ZNF891: variants seen among roughly 807,000 people sequenced by gnomAD.
ZNF891 encodes zinc finger protein 891.
For synonymous variants in ZNF891, 199 were observed against 209.0 expected, an observed-to-expected ratio of 0.95 and a Z score of 0.41; for missense variants, 589 against 632.7, an observed-to-expected ratio of 0.93 and a Z score of 0.74.
At chr12:133,128,826 G>A (rs1312405871) in intron 1 of ZNF891, among the ~76,000 whole-genome samples, 5 of 147,430 alleles carry the variant, frequency 3.4e-5, no homozygotes, top group African/African-American at 1.2e-4. Context: ...CAGAGACAAA[G>A]TAAAAGAAAA....
Position 133,109,091 on chromosome 12 carries a change from G to A in ZNF891, c.*11193C>T, listed in dbSNP as rs554772648. The stretch of plus-strand genomic sequence containing the variant: ...TGTAGCCCAGGGAAGCCAAAAGATT[G>A]GACACCTCTGCTTTAGAGGGAGATG... On this transcript the variant is annotated 3_prime_UTR_variant, in exon 2 of 2. Coordinates refer to ENST00000537226, the MANE Select transcript of ZNF891 (RefSeq NM_001277291.2). 1.3e-5 allele frequency: 2 copies of A among 152,274 alleles called. No individual in the cohort carries two copies. The highest frequency in any genetic ancestry group is 4.2e-4 in the South Asian group (2 of 4,808). 9.4% of individuals were successfully genotyped at this position (152,274 alleles called of 1,614,324 possible). A position where few individuals can be genotyped will look rare whatever the true frequency, so the allele number is the denominator to read the frequency against.
chr12:133,123,086 C>T (rs916709554), intron 1 of ZNF891, among the ~76,000 whole-genome samples: 10 of 152,054 alleles, frequency 6.6e-5, no homozygotes, highest in East Asian at 5.8e-4. Flanking sequence ...GGTAGTTAAC[C>T]GTCAAATGCA....
chr12:133,106,311 T>G lies in ZNF891; in HGVS notation c.*13973A>C, dbSNP rs745306844. ...GCTTTCCGTTGTCACTCATTCCTTA[T>G]TAAACATCAGAGAATTCATGCTGGA... On this transcript the variant is annotated 3_prime_UTR_variant, in exon 2 of 2. Transcript: ENST00000537226. The G allele has an allele frequency of 1.6e-5, 26 of 1,614,202 alleles. 1 individual carries two copies. The South Asian group carries it at 2.7e-4, about 17-fold the overall frequency.
In ZNF891 at chr12:133,106,547, T is replaced by C. The variant is rs906123952; in HGVS notation, c.*13737A>G. The C allele has an allele frequency of 1.2e-6, 2 of 1,614,014 alleles. No individual in the cohort carries two copies. The highest frequency in any genetic ancestry group is 2.7e-5 in the African/African-American group (2 of 75,062). The stretch of plus-strand genomic sequence containing the variant: ...TAAGGTATGCAACAAATCCTTCAGC[T>C]GGAGCTCAAACCTTGCTAAACATCA... On this transcript the variant is annotated 3_prime_UTR_variant, in exon 2 of 2. Transcript: ENST00000537226.
Position 133,118,915 on chromosome 12 carries a change from T to C in ZNF891, c.*1369A>G, listed in dbSNP as rs962830922. ...GACTGCGTTGACTGTATTTATGTAG[T>C]GCTTTAAAAAAAATCAGTAAGAGCC... On this transcript the variant is annotated 3_prime_UTR_variant, in exon 2 of 2. Transcript: ENST00000537226. The C allele has an allele frequency of 6.6e-6, 1 of 152,172 alleles. No homozygotes were observed. The highest frequency in any genetic ancestry group is 1.5e-5 in the Non-Finnish European group (1 of 68,040). 9.4% of individuals were successfully genotyped at this position (152,172 alleles called of 1,614,324 possible).
At position 133,108,323 on chromosome 12, in the gene ZNF891, T is replaced by C. The variant is rs897874269; in HGVS notation, c.*11961A>G. The C allele has an allele frequency of 6.6e-6, 1 of 151,848 alleles. No homozygotes were observed. Among genetic ancestry groups the C allele is most frequent in the Admixed American group, 6.6e-5 (1 of 15,214 alleles). The allele number at this position is 151,848 out of a possible 1,614,324, so 9.4% of individuals were successfully genotyped here. On this transcript the variant is annotated 3_prime_UTR_variant, in exon 2 of 2. Transcript: ENST00000537226. Reference sequence around the variant, plus strand: ...CTGATTTGGTTTTCTCAGGCAGGAATGGTTTGTATCAGGGTAAAAATCAAG... The same window carrying C: ...CTGATTTGGTTTTCTCAGGCAGGAACGGTTTGTATCAGGGTAAAAATCAAG...
At position 133,121,164 on chromosome 12, in the gene ZNF891, G is replaced by A; in HGVS notation, c.755C>T (p.Thr252Ile). 1 of 1,535,376 alleles carries A rather than the reference G, an allele frequency of 6.5e-7. No homozygotes were observed. The highest frequency in any genetic ancestry group is 8.7e-7 in the Non-Finnish European group (1 of 1,146,764). Residue 252 changes from threonine to isoleucine, a missense_variant, in exon 2 of 2, where the codon ACA becomes ATA. Transcript: ENST00000537226. ...ATTTCTCTGAAAATGCCATAGAGTT[G>A]TATCACATTCATGACTTTCATAGAG... ...EKLYESHECD[T>I]TLWHFQRNQT...
Position 133,108,245 on chromosome 12 carries a change from T to C in ZNF891, c.*12039A>G, listed in dbSNP as rs1955653124. Reference sequence around the variant, plus strand: ...CCTTATTACATATGGGTATTTAATATCTGATTTGGTGTCCTCAAGCAGCAT... The same window carrying C: ...CCTTATTACATATGGGTATTTAATACCTGATTTGGTGTCCTCAAGCAGCAT... On this transcript the variant is annotated 3_prime_UTR_variant, in exon 2 of 2. Coordinates refer to ENST00000537226, the MANE Select transcript of ZNF891 (RefSeq NM_001277291.2). 6.7e-6 allele frequency: 1 copy of C among 148,222 alleles called. No homozygotes were observed. Among genetic ancestry groups the C allele is most frequent in the Non-Finnish European group, 1.5e-5 (1 of 67,944 alleles). The allele number at this position is 148,222 out of a possible 1,614,324, so 9.2% of individuals were successfully genotyped here. A position where few individuals can be genotyped will look rare whatever the true frequency, so the allele number is the denominator to read the frequency against.
rs960659935 is a variant in ZNF891, at chr12:133,117,057, A to C, written c.*3227T>G. 1.3e-5 allele frequency: 2 copies of C among 152,166 alleles called. No individual in the cohort carries two copies. Among genetic ancestry groups the C allele is most frequent in the Admixed American group, 1.3e-4 (2 of 15,274 alleles). The allele number at this position is 152,166 out of a possible 1,614,324, so 9.4% of individuals were successfully genotyped here. A position where few individuals can be genotyped will look rare whatever the true frequency, so the allele number is the denominator to read the frequency against. On this transcript the variant is annotated 3_prime_UTR_variant, in exon 2 of 2. Coordinates refer to ENST00000537226, the MANE Select transcript of ZNF891 (RefSeq NM_001277291.2). Reference sequence around the variant, plus strand: ...AAATGACCTCTCCTCAATCACATAGACTTTGCTACTTGCTTTGCTGTCTTC... The same window carrying C: ...AAATGACCTCTCCTCAATCACATAGCCTTTGCTACTTGCTTTGCTGTCTTC...
chr12:133,129,229 C>T (rs1306355443), intron 1 of ZNF891, among the ~76,000 whole-genome samples: 3 of 152,028 alleles, frequency 2.0e-5, no homozygotes, highest in Admixed American at 2.0e-4. Flanking sequence ...GGGCCGGGTG[C>T]GGTGGCTCAC....
rs1331215153 is a variant in ZNF891 at position 133,121,809 on chromosome 12, G to C, written c.110C>G (p.Thr37Ser). The C allele has an allele frequency of 1.3e-6, 2 of 1,536,678 alleles. No homozygotes were observed. Among genetic ancestry groups the C allele is most frequent in the Non-Finnish European group, 1.7e-6 (2 of 1,147,016 alleles). Residue 37 changes from threonine (T) to serine (S), a missense_variant, in exon 2 of 2, where the codon ACC (threonine) becomes AGC (serine). Thr to Ser is a moderately conservative substitution (Grantham distance 58). Transcript: ENST00000537226. ...GAAAGTCATTGGTTCCTGTAACCAG[G>C]TTGTCAGAAATACAGCAATCATCCT... ...EERMIAVFLT[T>S]WLQEPMTFKD...
At chr12:133,128,051 A>G (rs780121496) in intron 1 of ZNF891, among the ~76,000 whole-genome samples, 4 of 152,214 alleles carry the variant, frequency 2.6e-5, no homozygotes, top group Non-Finnish European at 4.4e-5. Flanking sequence ...TATTTGTAAA[A>G]TAATTACATT....
chr12:133,119,065 A>G lies in ZNF891; in HGVS notation c.*1219T>C, dbSNP rs1250408447. 1 of 151,988 alleles carries G rather than the reference A, an allele frequency of 6.6e-6. No individual in the cohort carries two copies. Among genetic ancestry groups the G allele is most frequent in the Admixed American group, 6.6e-5 (1 of 15,246 alleles). 9.4% of individuals were successfully genotyped at this position (151,988 alleles called of 1,614,324 possible). On this transcript the variant is annotated 3_prime_UTR_variant, in exon 2 of 2. Transcript: ENST00000537226. ...AAGAGCCTGTCTCTACAAAATATAT[A>G]TTTTTAAAATTAGCCAGGCATGGTG... is the stretch of plus-strand genomic sequence containing the variant.
At chr12:133,129,929 G>A (rs1402855408) in intron 1 of ZNF891, among the ~76,000 whole-genome samples, 1 of 152,192 alleles carries the variant, frequency 6.6e-6, no homozygotes, top group African/African-American at 2.4e-5. Flanking sequence ...GTGTTGCTTA[G>A]AGAAGGAGGC....
chr12:133,124,949 T>C (rs1955800246), intron 1 of ZNF891, among the ~76,000 whole-genome samples: 1 of 151,050 alleles, frequency 6.6e-6, no homozygotes, highest in Non-Finnish European at 1.5e-5. Context: ...GAGGAAACAA[T>C]GTAAGAAACA....
rs1955686812 is a variant in ZNF891 at position 133,112,239 on chromosome 12, C to T, written c.*8045G>A. The T allele has an allele frequency of 6.6e-6, 1 of 150,536 alleles. No homozygotes were observed. The highest frequency in any genetic ancestry group is 1.5e-5 in the Non-Finnish European group (1 of 67,678). 9.3% of individuals were successfully genotyped at this position (150,536 alleles called of 1,614,324 possible). On this transcript the variant is annotated 3_prime_UTR_variant, in exon 2 of 2. Transcript: ENST00000537226. ...AAAGCTCTTCCTCTGTCCCTCCACC[C>T]TCTGCCCATGGAGCCAGAAGAAGGA...
chr12:133,126,765 C>T (rs949309405), intron 1 of ZNF891, among the ~76,000 whole-genome samples: 7 of 146,798 alleles, frequency 4.8e-5, no homozygotes, highest in Non-Finnish European at 7.5e-5. Context: ...TGCAGTGAGC[C>T]GAGATGTGCC....
In ZNF891 at chr12:133,120,627, A is replaced by T. The variant is rs754367355; in HGVS notation, c.1292T>A (p.Leu431His). The T allele has an allele frequency of 3.2e-6, 5 of 1,559,702 alleles. No individual in the cohort carries two copies. The African/African-American group carries it at 6.8e-5, about 21-fold the overall frequency. ...VHKRIHTGEK[L>H]YECSECGKAF... ...TTTTCCACACTCACTGCATTCATAG[A>T]GTTTTTCTCCAGTGTGTATTCTCTT... is the stretch of plus-strand genomic sequence containing the variant. The change falls in exon 2 of 2, where the codon CTC becomes CAC. Residue 431 changes from leucine to histidine, a missense_variant. By Grantham distance (99) the Leu-to-His change is moderately conservative (BLOSUM62 -3). Coordinates refer to ENST00000537226, the MANE Select transcript of ZNF891 (RefSeq NM_001277291.2).
intron 1 of ZNF891, among the ~76,000 whole-genome samples, chr12:133,123,353 C>T (rs1171463894): frequency 6.6e-6 from 1 of 152,084 alleles, no homozygotes; most frequent in Non-Finnish European, 1.5e-5. Context: ...ACCAAATGAA[C>T]CTATGATAAT....
Sources: gnomAD v4.1 joint callset for allele counts (sites outside exome capture counted in the v4.1 genomes callset) on GRCh38, gnomAD v4.1.1 for gene constraint, MANE v1.5 for transcripts, NCBI Gene and HGNC (gene_info 2026-07-23, HGNC 2026-07-21) for gene names.